The following COPG2 variants were observed in gnomAD, a reference collection of about 807,000 sequenced individuals.
COPG2 encodes the protein coatomer subunit gamma-2.
COPG2 carries 37 observed loss-of-function variants against 46.3 expected under a neutral mutation model. That is an observed-to-expected ratio of 0.80 (90% CI 0.61 to 1.05). The LOEUF (loss-of-function observed/expected upper bound fraction) is 1.05. Among genes scored for constraint, COPG2 ranks in the 50% least tolerant of loss-of-function variants. The pLI is 0.00. For missense variants in COPG2, 427 were observed against 387.8 expected (o/e 1.10, Z -0.85); for synonymous variants, 159 against 129.7 (o/e 1.23, Z -1.53).
At chr7:130,609,689 T>C (rs1231842788) in intron 9 of COPG2, among the ~76,000 whole-genome samples, 1 of 152,212 alleles carries the variant, frequency 6.6e-6, no homozygotes, top group African/African-American at 2.4e-5. Flanking sequence ...TCTTTTATTT[T>C]CTTTTCTTAT....
At chr7:130,528,483 G>A (rs929677353) in intron 20 of COPG2, among the ~76,000 whole-genome samples, 12 of 152,164 alleles carry the variant, frequency 7.9e-5, no homozygotes, top group Non-Finnish European at 1.8e-4. Flanking sequence ...ATCTGGCGGA[G>A]CAGCGGGTGC....
At chr7:130,664,535 T>A (rs782636204) in intron 3 of COPG2, among the ~76,000 whole-genome samples, 1 of 152,222 alleles carries the variant, frequency 6.6e-6, no homozygotes, top group Non-Finnish European at 1.5e-5. Context: ...AATTCAAAAG[T>A]ATCTTTCTAT....
intron 9 of COPG2, among the ~76,000 whole-genome samples, chr7:130,565,085 T>C (rs1378178020): frequency 2.0e-5 from 3 of 152,202 alleles, no homozygotes. Context: ...AAAATATTTC[T>C]GGGGATACAG....
At chr7:130,632,061 T>C (rs1033769869) in intron 5 of COPG2, among the ~76,000 whole-genome samples, 2 of 152,214 alleles carry the variant, frequency 1.3e-5, no homozygotes, top group Admixed American at 1.3e-4. Context: ...ACTATCCATA[T>C]GTTGTTTTGG....
intron 9 of COPG2, among the ~76,000 whole-genome samples, chr7:130,585,361 A>T (rs577242984): frequency 6.6e-6 from 1 of 152,240 alleles, no homozygotes; most frequent in African/African-American, 2.4e-5. Context: ...AACTATAAAA[A>T]TCCTAGAAGA....
chr7:130,599,451 C>CTACAGTTCAGAGA (rs1794594226), intron 9 of COPG2, among the ~76,000 whole-genome samples: 1 of 152,134 alleles, frequency 6.6e-6, no homozygotes, highest in Non-Finnish European at 1.5e-5. Context: ...GTGGGTGGCA[C>CTACAGTTCAGAGA]TACAGTTCAG....
intron 20 of COPG2, among the ~76,000 whole-genome samples, chr7:130,527,379 A>C (rs1043645731): frequency 8.1e-5 from 12 of 148,456 alleles, no homozygotes; most frequent in Non-Finnish European, 1.3e-4. Context: ...CTGGAACTGC[A>C]AAGTAATAAA....
In COPG2 at chr7:130,607,784, T is replaced by C. The variant is rs377697528; in HGVS notation, c.737+3169A>G. 5.0e-4 allele frequency: 260 copies of C among 520,158 alleles called. 2 individuals carry two copies. Among genetic ancestry groups the C allele is most frequent in the African/African-American group, 4.2e-3 (221 of 52,092 alleles). The allele number at this position is 520,158 out of a possible 1,614,324, so 32.2% of individuals were successfully genotyped here. On this transcript the variant is annotated intron_variant, in intron 9 of 23. Transcript: ENST00000425248. ...TTTTGACCACTCTGTCCAGAAATAC[T>C]GTAGCTTTCTGTCATCCTACACTGA...
chr7:130,559,079 G>T (rs1009667957), intron 12 of COPG2, among the ~76,000 whole-genome samples: 5 of 152,060 alleles, frequency 3.3e-5, no homozygotes, highest in African/African-American at 1.2e-4. Context: ...TAACACTTTT[G>T]CATGTCCAAA....
chr7:130,647,035 A>T (rs985880545), intron 5 of COPG2, among the ~76,000 whole-genome samples: 36 of 119,746 alleles, frequency 3.0e-4, no homozygotes, highest in East Asian at 1.2e-3. Flanking sequence ...GTGTATATAT[A>T]TATTTATTTA....
chr7:130,644,976 C>T (rs201514276), intron 5 of COPG2, among the ~76,000 whole-genome samples: 148 of 151,286 alleles, frequency 9.8e-4, no homozygotes, highest in African/African-American at 3.2e-3. Context: ...GCAGGAGAAT[C>T]GCTTGAACCC....
intron 6 of COPG2, 100 bp from the exon 7 acceptor site, chr7:130,613,736 G>A: frequency 5.2e-6 from 4 of 771,428 alleles, no homozygotes; most frequent in Non-Finnish European, 8.7e-6. Flanking sequence ...TCTTATATTT[G>A]TTTCTGTGCA....
intron 9 of COPG2, among the ~76,000 whole-genome samples, chr7:130,574,167 G>A (rs1027491848): frequency 6.6e-6 from 1 of 152,170 alleles, no homozygotes; most frequent in Admixed American, 6.5e-5. Context: ...TGGTCTAGCC[G>A]TACCATGGAA....
intron 10 of COPG2, 146 bp downstream of exon 10, chr7:130,564,114 T>C: frequency 2.5e-6 from 1 of 395,952 alleles, no homozygotes; most frequent in East Asian, 3.6e-5. Flanking sequence ...AAATAAACTA[T>C]CTACATATAA....
At chr7:130,650,699 G>A (rs1795719348) in intron 5 of COPG2, among the ~76,000 whole-genome samples, 1 of 152,128 alleles carries the variant, frequency 6.6e-6, no homozygotes, top group South Asian at 2.1e-4. Context: ...ATATAACACA[G>A]TTGTGCCAAG....
chr7:130,627,056 G>A (rs781960854), intron 5 of COPG2, among the ~76,000 whole-genome samples: 1 of 152,104 alleles, frequency 6.6e-6, no homozygotes, highest in Non-Finnish European at 1.5e-5. Flanking sequence ...CGTAATTTAC[G>A]TATTTTCCTT....
intron 8 of COPG2, among the ~76,000 whole-genome samples, 183 bp downstream of exon 8, chr7:130,611,969 T>G (rs1011291050): frequency 6.6e-6 from 1 of 152,242 alleles, no homozygotes; most frequent in African/African-American, 2.4e-5. Flanking sequence ...ATGAAACACC[T>G]GAAGGGCAGT....
At chr7:130,590,147 A>G (rs1183849513) in intron 9 of COPG2, among the ~76,000 whole-genome samples, 1 of 152,016 alleles carries the variant, frequency 6.6e-6, no homozygotes, top group Non-Finnish European at 1.5e-5. Context: ...TTATGAATGT[A>G]AGAGTCCAAA....
chr7:130,639,771 G>A (rs1451038255), intron 5 of COPG2, among the ~76,000 whole-genome samples: 1 of 152,174 alleles, frequency 6.6e-6, no homozygotes, highest in African/African-American at 2.4e-5. Context: ...ATTCCTCCAT[G>A]TCTTTCCTCA....
Sources: allele counts gnomAD v4.1 joint callset (sites outside exome capture counted in the v4.1 genomes callset), GRCh38; gene constraint gnomAD v4.1.1; transcripts MANE v1.5; gene names NCBI Gene and HGNC (gene_info 2026-07-23, HGNC 2026-07-21).